The following TECR variants were observed in gnomAD, a reference collection of about 807,000 sequenced individuals.
TECR encodes trans-2,3-enoyl-CoA reductase.
A neutral mutation model predicts 50.6 loss-of-function variants in TECR; 19 were observed. That is an observed-to-expected ratio of 0.38 (90% CI 0.26 to 0.55). The LOEUF (loss-of-function observed/expected upper bound fraction) is 0.55, where lower values mean the gene tolerates loss of function less well. TECR is among the 20% of genes least tolerant of loss of function. TECR has a pLI of 0.79. For missense variants in TECR, 313 were observed against 408.3 expected, an observed-to-expected ratio of 0.77 and a Z score of 2.01; for synonymous variants, 168 against 163.5, an observed-to-expected ratio of 1.03 and a Z score of -0.21.
chr19:14,542,499 T>C (rs1371538739), intron 1 of TECR, among the ~76,000 whole-genome samples: 8 of 151,508 alleles, frequency 5.3e-5, no homozygotes, highest in African/African-American at 1.9e-4. Context: ...GTAGCTGGGA[T>C]TACAGGCATC....
At position 14,564,946 on chromosome 19, in the gene TECR, C is replaced by T. The variant is rs982813732; in HGVS notation, c.563-3C>T. On this transcript the variant is annotated splice_region_variant and splice_polypyrimidine_tract_variant and intron_variant, in intron 8 of 12. Transcript: ENST00000215567. ...TGGGCTCCCCTCCCTGCTTCCTCTTCAGCCTACGGAGCTCAGCAGGTGAAA... is the reference window on the plus strand; with the variant it reads ...TGGGCTCCCCTCCCTGCTTCCTCTTTAGCCTACGGAGCTCAGCAGGTGAAA... 3.1e-6 allele frequency: 5 copies of T among 1,613,988 alleles called. No individual in the cohort carries two copies. The African/African-American group carries it at 6.7e-5, about 22-fold the overall frequency.
intron 1 of TECR, among the ~76,000 whole-genome samples, chr19:14,543,419 A>ATTTTTTTTTT (rs1169742953): frequency 4.6e-5 from 1 of 21,894 alleles, no homozygotes; most frequent in African/African-American, 2.4e-4. Flanking sequence ...ATATATATAT[A>ATTTTTTTTTT]TTTTTTTTTT....
chr19:14,562,525 G>A lies in TECR; in HGVS notation c.16G>A (p.Val6Met). ...TAAAAAGGCTGTTCTCTTCTTCGAG[G>A]TGGAGATTCTGGACGCAAAGACAAG... The part of the protein sequence containing the change: MKHYE[V>M]EILDAKTREK... The change falls in exon 2 of 13, where the codon GTG becomes ATG. Residue 6 changes from valine to methionine, a missense_variant and splice_region_variant. Val to Met is a conservative substitution (Grantham distance 21, BLOSUM62 1). Coordinates refer to ENST00000215567, the MANE Select transcript of TECR (RefSeq NM_138501.6). 8 of 1,614,240 alleles carry A rather than the reference G, an allele frequency of 5.0e-6. No individual in the cohort carries two copies. Among genetic ancestry groups the A allele is most frequent in the Non-Finnish European group, 6.8e-6 (8 of 1,180,032 alleles).
intron 1 of TECR, among the ~76,000 whole-genome samples, chr19:14,549,629 C>T (rs2073425324): frequency 6.6e-6 from 1 of 152,020 alleles, no homozygotes; most frequent in African/African-American, 2.4e-5. Context: ...ACCTGACCTG[C>T]ACTCAGCTTT....
chr19:14,565,726 G>T lies in TECR; in HGVS notation c.800-18G>T. ...TCCGGGCCGGCAGCCCCTCCCTGAC[G>T]CCCGTTCTTTCCTGCAGTGGCCCTG... On this transcript the variant is annotated intron_variant, in intron 12 of 12. Transcript: ENST00000215567. 1 of 1,612,218 alleles carries T rather than the reference G, an allele frequency of 6.2e-7. No homozygotes were observed. The highest frequency in any genetic ancestry group is 8.5e-7 in the Non-Finnish European group (1 of 1,179,700).
In TECR at chr19:14,565,115, G is replaced by T; in HGVS notation, c.656G>T (p.Arg219Leu). ...FSIHMALRDL[R>L]PAGSKTRKIP... is the part of the protein sequence containing the mutation. ...ATCCACATGGCCCTGCGGGACCTGC[G>T]GCCCGCTGGTGAGTGCCTGCTGGGG... Residue 219 changes from arginine to leucine, a missense_variant, in exon 10 of 13, where the codon CGG (arginine) becomes CTG (leucine). By Grantham distance (102) the Arg-to-Leu change is moderately radical (BLOSUM62 -2). Transcript: ENST00000215567. 1 of 1,613,772 alleles carries T rather than the reference G, an allele frequency of 6.2e-7. No homozygotes were observed. Among genetic ancestry groups the T allele is most frequent in the Non-Finnish European group, 8.5e-7 (1 of 1,180,028 alleles).
intron 1 of TECR, among the ~76,000 whole-genome samples, chr19:14,535,477 A>G (rs563462186): frequency 1.3e-3 from 155 of 120,804 alleles, no homozygotes; most frequent in African/African-American, 4.7e-3. Context: ...ACTGCACTCC[A>G]GCCTGGGCGA....
intron 1 of TECR, among the ~76,000 whole-genome samples, chr19:14,556,949 C>A (rs1436937790): frequency 6.6e-6 from 1 of 152,054 alleles, no homozygotes; most frequent in East Asian, 1.9e-4. Flanking sequence ...TTCACTGTGA[C>A]CAGCTGGGCG....
At chr19:14,546,938 G>C (rs894917097) in intron 1 of TECR, among the ~76,000 whole-genome samples, 5 of 152,158 alleles carry the variant, frequency 3.3e-5, no homozygotes, top group Non-Finnish European at 7.4e-5. Context: ...GATCTGATCT[G>C]CCCGCCTTGG....
intron 1 of TECR, chr19:14,529,930 G>C (rs2072559902): frequency 3.0e-6 from 2 of 664,952 alleles, no homozygotes. Flanking sequence ...TGTTTTGGGG[G>C]TACTTTTTCT....
intron 1 of TECR, among the ~76,000 whole-genome samples, chr19:14,561,441 C>A (rs1192921447): frequency 6.6e-6 from 1 of 152,178 alleles, no homozygotes; most frequent in Non-Finnish European, 1.5e-5. Context: ...TCCAGCCCTG[C>A]CCCTCTGCAC....
At position 14,529,685 on chromosome 19, in the gene TECR, T is replaced by A. The variant is rs1451891137; in HGVS notation, c.-12T>A. Reference sequence around the variant, plus strand: ...AGCAGCCGCGGAGCAGTAGCCGCCGTGGGAGGGAGCCATGAAGCATTACGA... The same window carrying A: ...AGCAGCCGCGGAGCAGTAGCCGCCGAGGGAGGGAGCCATGAAGCATTACGA... On this transcript the variant is annotated 5_prime_UTR_variant, in exon 1 of 13. Coordinates refer to ENST00000215567, the MANE Select transcript of TECR (RefSeq NM_138501.6). 6.2e-7 allele frequency: 1 copy of A among 1,613,888 alleles called. No homozygotes were observed. The highest frequency in any genetic ancestry group is 8.5e-7 in the Non-Finnish European group (1 of 1,180,010).
chr19:14,542,763 C>T (rs573519449), intron 1 of TECR, among the ~76,000 whole-genome samples: 2 of 152,212 alleles, frequency 1.3e-5, no homozygotes, highest in East Asian at 3.9e-4. Flanking sequence ...GAGCGACTCA[C>T]CCCAGTTACA....
chr19:14,539,589 C>T (rs1413011618), intron 1 of TECR, among the ~76,000 whole-genome samples: 1 of 152,110 alleles, frequency 6.6e-6, no homozygotes, highest in Non-Finnish European at 1.5e-5. Flanking sequence ...AACCTTCCCT[C>T]AGAGGCTTGT....
At chr19:14,556,418 AC>A (rs2146614998) in intron 1 of TECR, among the ~76,000 whole-genome samples, 1 of 151,312 alleles carries the variant, frequency 6.6e-6, no homozygotes, top group East Asian at 1.9e-4. Context: ...CAAAAAAAAA[AC>A]AAAAACAAAA....
In TECR at chr19:14,563,624, G is replaced by C. The variant is rs199766984; in HGVS notation, c.119-34G>C. The C allele has an allele frequency of 1.8e-4, 292 of 1,610,360 alleles. No individual in the cohort carries two copies. The highest frequency in any genetic ancestry group is 2.3e-4 in the Non-Finnish European group (272 of 1,179,740). Reference sequence around the variant, plus strand: ...CAGCGGACCGGCTGAGCCCTGCCAGGCTGTGGGCTGTAACTGCCCTGTTCT... The same window carrying C: ...CAGCGGACCGGCTGAGCCCTGCCAGCCTGTGGGCTGTAACTGCCCTGTTCT... On this transcript the variant is annotated intron_variant, in intron 3 of 12. Coordinates refer to ENST00000215567, the MANE Select transcript of TECR (RefSeq NM_138501.6). This position sits in a 1 kb window ranked among gnomAD's most constrained non-coding sequence, Gnocchi z 5.3.
At chr19:14,553,198 G>A (rs975560237) in intron 1 of TECR, among the ~76,000 whole-genome samples, 3 of 152,150 alleles carry the variant, frequency 2.0e-5, no homozygotes, top group Non-Finnish European at 4.4e-5. Context: ...CTCGCTCGGG[G>A]CTCTGCTGGA....
intron 1 of TECR, among the ~76,000 whole-genome samples, chr19:14,558,587 G>A (rs936536985): frequency 3.9e-5 from 6 of 152,162 alleles, no homozygotes; most frequent in African/African-American, 1.2e-4. Context: ...AGAGCCACCA[G>A]CCTGTGCCCC....
At position 14,565,674 on chromosome 19, in the gene TECR, C is replaced by T. The variant is rs368695024; in HGVS notation, c.799+11C>T. 4.3e-6 allele frequency: 7 copies of T among 1,612,054 alleles called. No homozygotes were observed. In the South Asian group the frequency reaches 5.5e-5, roughly 13 times the overall value. ...CGCAGTGTCTCCCAGGTGAGCCTGC[C>T]GCCCTCCCTCGGCGGGGCCCTGCCC... On this transcript the variant is annotated intron_variant, in intron 12 of 12. Transcript: ENST00000215567.
Sources: gnomAD v4.1 joint callset for allele counts (sites outside exome capture counted in the v4.1 genomes callset) on GRCh38, gnomAD v4.1.1 for gene constraint, Gnocchi (gnomAD v3.1) non-coding constraint, MANE v1.5 for transcripts, NCBI Gene and HGNC (gene_info 2026-07-23, HGNC 2026-07-21) for gene names.